The following ARL4D variants were observed in gnomAD, a reference collection of about 807,000 sequenced individuals.
ARL4D encodes ADP-ribosylation factor-like protein 4D.
In ARL4D, 1 loss-of-function variant was observed where a neutral mutation model predicts 0.6. The ratio of observed to expected loss-of-function variants is 1.64; its 90% CI spans 0.58 to 7.76. The LOEUF is 7.76. ARL4D is among the 30% of genes most tolerant of loss of function. The pLI, the probability that ARL4D is intolerant of heterozygous loss-of-function variation, is 0.14. For missense variants in ARL4D, 230 were observed against 264.5 expected, an observed-to-expected ratio of 0.87 and a Z score of 0.90; for synonymous variants, 102 against 115.2, an observed-to-expected ratio of 0.89 and a Z score of 0.73.
In ARL4D at chr17:43,399,949, C is replaced by G. The variant is rs1371237650; in HGVS notation, c.217C>G (p.Gln73Glu). Residue 73 changes from glutamine (Q) to glutamate (E), a missense_variant, in exon 2 of 2, where the codon CAA (glutamine) becomes GAA (glutamate). By Grantham distance (29) the Gln-to-Glu change is conservative (BLOSUM62 2). Coordinates refer to ENST00000320033, the MANE Select transcript of ARL4D (RefSeq NM_001661.4). ...PLGGSRGITF[Q>E]VWDVGGQEKL... Reference sequence around the variant, plus strand: ...CGGGGGATCGCGTGGCATCACCTTCCAAGTGTGGGACGTCGGGGGGCAGGA... The same window carrying G: ...CGGGGGATCGCGTGGCATCACCTTCGAAGTGTGGGACGTCGGGGGGCAGGA... 1.9e-6 allele frequency: 3 copies of G among 1,613,974 alleles called. No individual in the cohort carries two copies. The highest frequency in any genetic ancestry group is 2.5e-6 in the Non-Finnish European group (3 of 1,180,006).
chr17:43,399,798 G>A lies in ARL4D; in HGVS notation c.66G>A (p.Leu22=). ...CCTTCTTGCCCCACTTCCAAGCCCT[G>A]CATGTCGTGGTCATTGGGCTGGACT... The part of the protein sequence containing the change: ...ASSFLPHFQA[L]HVVVIGLDSA... The change falls in exon 2 of 2, where the codon CTG becomes CTA. Residue 22 remains leucine, a synonymous_variant. Coordinates refer to ENST00000320033, the MANE Select transcript of ARL4D (RefSeq NM_001661.4). 6 of 1,613,988 alleles carry A rather than the reference G, an allele frequency of 3.7e-6. No homozygotes were observed. The highest frequency in any genetic ancestry group is 5.1e-6 in the Non-Finnish European group (6 of 1,180,006).
rs1267994847 is a variant in ARL4D at position 43,400,054 on chromosome 17, C to T, written c.322C>T (p.Arg108Trp). ...TGTGGTGGACGCTGCGGAGGCTGAGCGGCTGGAGGAAGCCAAGGTGGAGTT... is the reference window on the plus strand; with the variant it reads ...TGTGGTGGACGCTGCGGAGGCTGAGTGGCTGGAGGAAGCCAAGGTGGAGTT... ...VFVVDAAEAE[R>W]LEEAKVELHR... The change falls in exon 2 of 2, where the codon CGG becomes TGG. Residue 108 changes from arginine to tryptophan, a missense_variant. This residue lies in a region of ARL4D where 131 missense variants were observed against 134.4 expected (regional missense o/e 0.97). Transcript: ENST00000320033. 6.2e-7 allele frequency: 1 copy of T among 1,613,460 alleles called. No individual in the cohort carries two copies. Among genetic ancestry groups the T allele is most frequent in the Non-Finnish European group, 8.5e-7 (1 of 1,180,004 alleles).
chr17:43,399,550 A>G, intron 1 of ARL4D, 111 bp from the exon 2 acceptor site: 7 of 780,304 alleles, frequency 9.0e-6, no homozygotes, highest in Non-Finnish European at 1.4e-5. Context: ...AAGGAAAGGA[A>G]TTTTAAAAAT....
At position 43,399,652 on chromosome 17, in the gene ARL4D, T is replaced by G. The variant is rs897408103; in HGVS notation, c.-72-9T>G. ...CTCCTTTTTCTCCCATGACCTTTTC[T>G]TGGTTCAGATAACCCAGCTGTGCTC... On this transcript the variant is annotated splice_polypyrimidine_tract_variant and intron_variant, in intron 1 of 1. Coordinates refer to ENST00000320033, the MANE Select transcript of ARL4D (RefSeq NM_001661.4). 4 of 1,499,628 alleles carry G rather than the reference T, an allele frequency of 2.7e-6. No homozygotes were observed. In the African/African-American group the frequency reaches 4.2e-5, roughly 16 times the overall value. 92.9% of individuals were successfully genotyped at this position (1,499,628 alleles called of 1,614,324 possible).
At position 43,400,038 on chromosome 17, in the gene ARL4D, C is replaced by A. The variant is rs1323271014; in HGVS notation, c.306C>A (p.Asp102Glu). ...CAGACGGTCTAGTGTTTGTGGTGGA[C>A]GCTGCGGAGGCTGAGCGGCTGGAGG... is the stretch of plus-strand genomic sequence containing the variant. ...RRTDGLVFVV[D>E]AAEAERLEEA... The change falls in exon 2 of 2, where the codon GAC becomes GAA. Residue 102 changes from aspartate to glutamate, a missense_variant. Asp to Glu is a conservative substitution (Grantham distance 45). Transcript: ENST00000320033. The A allele has an allele frequency of 6.2e-7, 1 of 1,613,910 alleles. No homozygotes were observed. Among genetic ancestry groups the A allele is most frequent in the Admixed American group, 1.7e-5 (1 of 60,016 alleles).
chr17:43,399,789 C>T lies in ARL4D; in HGVS notation c.57C>T (p.Phe19=). The change falls in exon 2 of 2, where the codon TTC becomes TTT. Residue 19 remains phenylalanine, a synonymous_variant. Transcript: ENST00000320033. ...CTGCCTCCTCCTTCTTGCCCCACTT[C>T]CAAGCCCTGCATGTCGTGGTCATTG... is the stretch of plus-strand genomic sequence containing the variant. ...APTASSFLPH[F]QALHVVVIGL... 6 of 1,614,044 alleles carry T rather than the reference C, an allele frequency of 3.7e-6. No homozygotes were observed. Among genetic ancestry groups the T allele is most frequent in the Non-Finnish European group, 5.1e-6 (6 of 1,180,002 alleles).
Position 43,400,775 on chromosome 17 carries a change from G to C in ARL4D, c.*437G>C, listed in dbSNP as rs760338558. On this transcript the variant is annotated 3_prime_UTR_variant, in exon 2 of 2. Transcript: ENST00000320033. The stretch of plus-strand genomic sequence containing the variant: ...CCAGGCTGCTTTTCTAGGAATACCA[G>C]TCACATAGTTTTTATTTTTGTGTCT... The C allele has an allele frequency of 1.1e-5, 2 of 176,278 alleles. No individual in the cohort carries two copies. Among genetic ancestry groups the C allele is most frequent in the African/African-American group, 4.8e-5 (2 of 41,554 alleles). 10.9% of individuals were successfully genotyped at this position (176,278 alleles called of 1,614,324 possible). A position where few individuals can be genotyped will look rare whatever the true frequency, so the allele number is the denominator to read the frequency against.
intron 1 of ARL4D, 131 bp downstream of exon 1, chr17:43,399,224 G>C (rs2058077290): frequency 6.3e-6 from 1 of 157,700 alleles, no homozygotes; most frequent in Non-Finnish European, 1.4e-5. Context: ...GCGGAGTAAG[G>C]AAGGGCACCG....
Position 43,400,328 on chromosome 17 carries a change from A to G in ARL4D, c.596A>G (p.Lys199Arg). The G allele has an allele frequency of 6.3e-7, 1 of 1,583,392 alleles. No individual in the cohort carries two copies. Among genetic ancestry groups the G allele is most frequent in the Non-Finnish European group, 8.6e-7 (1 of 1,164,244 alleles). ...KRKKAARGGK[K>R]RR Reference sequence around the variant, plus strand: ...AAGAAGGCAGCTCGGGGTGGCAAGAAGAGACGGTGACCCAAGCCCCCCCTC... The same window carrying G: ...AAGAAGGCAGCTCGGGGTGGCAAGAGGAGACGGTGACCCAAGCCCCCCCTC... The change falls in exon 2 of 2, where the codon AAG (lysine) becomes AGG (arginine). Residue 199 changes from lysine (K) to arginine (R), a missense_variant. Around this residue, in one of 3 missense-constraint regions of ARL4D, gnomAD observed 131 missense variants for 134.4 expected, o/e 0.97. Transcript: ENST00000320033.
chr17:43,399,246 TGG>T (rs1170131837), intron 1 of ARL4D, among the ~76,000 whole-genome samples, 153 bp downstream of exon 1: 4 of 130,590 alleles, frequency 3.1e-5, no homozygotes, highest in Non-Finnish European at 6.5e-5. Context: ...GTCAACGGCT[TGG>T]GGCTGCGGAG....
At position 43,400,628 on chromosome 17, in the gene ARL4D, TCTC is replaced by T. The variant is rs1281396651; in HGVS notation, c.*291_*293del. The T allele has an allele frequency of 9.8e-6, 3 of 305,544 alleles. No individual in the cohort carries two copies. Among genetic ancestry groups the T allele is most frequent in the Admixed American group, 9.3e-5 (2 of 21,422 alleles). The allele number at this position is 305,544 out of a possible 1,614,324, so 18.9% of individuals were successfully genotyped here. A position where few individuals can be genotyped will look rare whatever the true frequency, so the allele number is the denominator to read the frequency against. On this transcript the variant is annotated 3_prime_UTR_variant, in exon 2 of 2. Transcript: ENST00000320033. ...CCTCGACCCTGTTTCTTATTTTTCT[TCTC>T]TGGCTAAAAATTTTTAATTGGATGT...
Position 43,400,982 on chromosome 17 carries a change from A to G in ARL4D, c.*644A>G, listed in dbSNP as rs563447005. ...TTTTCCTCTCCTTATCTTGCCCCAGAGACAATTCAAGATTTCTATATGGGG... is the reference window on the plus strand; with the variant it reads ...TTTTCCTCTCCTTATCTTGCCCCAGGGACAATTCAAGATTTCTATATGGGG... On this transcript the variant is annotated 3_prime_UTR_variant, in exon 2 of 2. Coordinates refer to ENST00000320033, the MANE Select transcript of ARL4D (RefSeq NM_001661.4). 6.0e-6 allele frequency: 1 copy of G among 167,158 alleles called. No individual in the cohort carries two copies. The highest frequency in any genetic ancestry group is 2.1e-4 in the South Asian group (1 of 4,818). The allele number at this position is 167,158 out of a possible 1,614,324, so 10.4% of individuals were successfully genotyped here.
chr17:43,400,389 G>T lies in ARL4D; in HGVS notation c.*51G>T. ...CACCTAGTAGGGGTCTGCACACTTG[G>T]ACAGCAGGGTGGGACCAGCCTGTGA... On this transcript the variant is annotated 3_prime_UTR_variant, in exon 2 of 2. Transcript: ENST00000320033. The T allele has an allele frequency of 2.6e-6, 4 of 1,526,872 alleles. No individual in the cohort carries two copies. The highest frequency in any genetic ancestry group is 3.5e-6 in the Non-Finnish European group (4 of 1,138,898). 94.6% of individuals were successfully genotyped at this position (1,526,872 alleles called of 1,614,324 possible).
At position 43,400,506 on chromosome 17, in the gene ARL4D, G is replaced by A. The variant is rs1488524638; in HGVS notation, c.*168G>A. On this transcript the variant is annotated 3_prime_UTR_variant, in exon 2 of 2. Transcript: ENST00000320033. The stretch of plus-strand genomic sequence containing the variant: ...CCGTTTTGGTGCCACACTGGGGTGG[G>A]GATGGGAGATGGGATGTCTTTGCAT... The A allele has an allele frequency of 1.2e-5, 10 of 853,394 alleles. No homozygotes were observed. Among genetic ancestry groups the A allele is most frequent in the South Asian group, 1.9e-5 (1 of 53,418 alleles). 52.9% of individuals were successfully genotyped at this position (853,394 alleles called of 1,614,324 possible). A position where few individuals can be genotyped will look rare whatever the true frequency, so the allele number is the denominator to read the frequency against.
In ARL4D at chr17:43,399,729, C is replaced by T; in HGVS notation, c.-4C>T. The T allele has an allele frequency of 6.2e-7, 1 of 1,610,702 alleles. No individual in the cohort carries two copies. The highest frequency in any genetic ancestry group is 8.5e-7 in the Non-Finnish European group (1 of 1,177,512). On this transcript the variant is annotated 5_prime_UTR_variant, in exon 2 of 2. Coordinates refer to ENST00000320033, the MANE Select transcript of ARL4D (RefSeq NM_001661.4). ...CCTGCCTCTACTAGGCGCCTTAGCT[C>T]ACTATGGGGAACCACTTGACTGAGA...
intron 1 of ARL4D, 120 bp from the exon 2 acceptor site, chr17:43,399,541 A>AAT: frequency 3.0e-6 from 2 of 674,304 alleles, no homozygotes; most frequent in Non-Finnish European, 4.7e-6. Context: ...AAAAAAAAAA[A>AAT]GGAAAGGAAT....
Position 43,400,435 on chromosome 17 carries a change from G to T in ARL4D, c.*97G>T. On this transcript the variant is annotated 3_prime_UTR_variant, in exon 2 of 2. Coordinates refer to ENST00000320033, the MANE Select transcript of ARL4D (RefSeq NM_001661.4). ...TGTGACCTCTCAGTCAGACTGGGGT[G>T]CAGGACCTGTCCACCTCAATGAAGG... 1 of 1,450,378 alleles carries T rather than the reference G, an allele frequency of 6.9e-7. No homozygotes were observed. Among genetic ancestry groups the T allele is most frequent in the Non-Finnish European group, 9.2e-7 (1 of 1,082,516 alleles). The allele number at this position is 1,450,378 out of a possible 1,614,324, so 89.8% of individuals were successfully genotyped here. A position where few individuals can be genotyped will look rare whatever the true frequency, so the allele number is the denominator to read the frequency against.
chr17:43,399,431 C>G (rs922634553), intron 1 of ARL4D, among the ~76,000 whole-genome samples: 8 of 151,646 alleles, frequency 5.3e-5, no homozygotes, highest in Non-Finnish European at 1.0e-4. Flanking sequence ...CCTCACCCCC[C>G]ACTTGAGTGG....
In ARL4D at chr17:43,400,047, G is replaced by A. The variant is rs767123284; in HGVS notation, c.315G>A (p.Glu105=). 2 of 1,613,740 alleles carry A rather than the reference G, an allele frequency of 1.2e-6. No homozygotes were observed. The highest frequency in any genetic ancestry group is 2.2e-5 in the South Asian group (2 of 91,080). ...DGLVFVVDAA[E]AERLEEAKVE... is the part of the protein sequence containing the mutation. ...TAGTGTTTGTGGTGGACGCTGCGGAGGCTGAGCGGCTGGAGGAAGCCAAGG... is the reference window on the plus strand; with the variant it reads ...TAGTGTTTGTGGTGGACGCTGCGGAAGCTGAGCGGCTGGAGGAAGCCAAGG... The change falls in exon 2 of 2, where the codon GAG becomes GAA. Residue 105 remains glutamate, a synonymous_variant. Transcript: ENST00000320033.
Sources: allele counts gnomAD v4.1 joint callset (sites outside exome capture counted in the v4.1 genomes callset), GRCh38; gene constraint gnomAD v4.1.1; regional missense constraint gnomAD v4.1.1; transcripts MANE v1.5; gene names NCBI Gene and HGNC (gene_info 2026-07-23, HGNC 2026-07-21).